The following DGLUCY variants were observed in gnomAD, a reference collection of about 807,000 sequenced individuals.
The protein encoded by DGLUCY is D-glutamate cyclase, mitochondrial.
DGLUCY carries 58 observed loss-of-function variants against 58.5 expected under a neutral mutation model. That is an observed-to-expected ratio of 0.99 (90% CI 0.80 to 1.23). DGLUCY has a LOEUF of 1.23. DGLUCY is among the 50% of genes most tolerant of loss of function. DGLUCY has a pLI of 0.00. For synonymous variants in DGLUCY, 325 were observed against 314.1 expected (o/e 1.03, Z -0.37); for missense variants, 779 against 784.7 (o/e 0.99, Z 0.09).
intron 13 of DGLUCY, among the ~76,000 whole-genome samples, chr14:91,217,714 C>A (rs543977056): frequency 6.6e-6 from 1 of 152,232 alleles, no homozygotes; most frequent in Non-Finnish European, 1.5e-5. Flanking sequence ...TCTTGAACTC[C>A]TGACCTCAGG....
chr14:91,089,807 T>G (rs1383167852), intron 1 of DGLUCY, among the ~76,000 whole-genome samples: 2 of 145,966 alleles, frequency 1.4e-5, no homozygotes, highest in Non-Finnish European at 3.0e-5. Flanking sequence ...GGTGACAGAG[T>G]GAGACTCTGT....
intron 1 of DGLUCY, among the ~76,000 whole-genome samples, chr14:91,146,495 C>T (rs1182097213): frequency 6.6e-6 from 1 of 152,120 alleles, no homozygotes; most frequent in East Asian, 1.9e-4. Flanking sequence ...CCACTTTTTC[C>T]CCTTTCCCGA....
intron 1 of DGLUCY, among the ~76,000 whole-genome samples, chr14:91,154,056 C>G (rs6575183): frequency 0.02 from 3,030 of 152,250 alleles, 96 homozygotes; most frequent in African/African-American, 0.068. Context: ...CGGGTGTGCA[C>G]CACTATGCCC....
intron 1 of DGLUCY, among the ~76,000 whole-genome samples, chr14:91,064,607 A>T (rs1312339650): frequency 6.9e-6 from 1 of 145,380 alleles, no homozygotes; most frequent in East Asian, 2.0e-4. Context: ...TGGGTGACAC[A>T]GTCAGACTCT....
At chr14:91,096,583 C>G (rs2103988) in intron 1 of DGLUCY, among the ~76,000 whole-genome samples, 1,551 of 152,270 alleles carry the variant, frequency 0.01, 93 homozygotes, top group Admixed American at 0.091. Flanking sequence ...TGCCTGGGGA[C>G]TGACCACAGC....
chr14:91,108,520 TGTGTGTGAGAGA>T lies in DGLUCY; in HGVS notation c.-82+461_-82+472del, dbSNP rs1485677456. Among the ~76,000 whole-genome samples, 127 of 83,722 alleles carry T rather than the reference TGTGTGTGAGAGA, an allele frequency of 1.5e-3. 1 individual carries two copies. The Middle Eastern group carries it at 0.032, about 21-fold the overall frequency. The allele number at this position is 83,722 out of a possible 152,430, so 54.9% of individuals were successfully genotyped here. On this transcript the variant is annotated intron_variant, in intron 1 of 4. Transcript: ENST00000518871. Reference sequence around the variant, plus strand: ...GTGTGTGTGTGTGTGTGTGTGTGTGTGTGTGTGAGAGAGAGAGAGAGAGAGAGAGAGAGAGAG... The same window carrying T: ...GTGTGTGTGTGTGTGTGTGTGTGTGTGAGAGAGAGAGAGAGAGAGAGAGAG...
chr14:91,112,340 G>A (rs1429057467), upstream of DGLUCY, among the ~76,000 whole-genome samples: 1 of 152,120 alleles, frequency 6.6e-6, no homozygotes, highest in East Asian at 1.9e-4. Context: ...ACTACCTTTT[G>A]ATTAATTCTA....
chr14:91,225,042 T>G lies in DGLUCY; in HGVS notation c.*209T>G, dbSNP rs1888016498. On this transcript the variant is annotated 3_prime_UTR_variant, in exon 14 of 14. Coordinates refer to ENST00000256324, the MANE Select transcript of DGLUCY (RefSeq NM_001102368.3). ...AAAGGACAACATTTCTCTGGGGCTT[T>G]TTAACTTTTATTCCTAAGACTCTAA... is the stretch of plus-strand genomic sequence containing the variant. 6.1e-6 allele frequency: 3 copies of G among 488,500 alleles called. No individual in the cohort carries two copies. Among genetic ancestry groups the G allele is most frequent in the Admixed American group, 8.1e-5 (2 of 24,594 alleles). The allele number at this position is 488,500 out of a possible 1,614,324, so 30.3% of individuals were successfully genotyped here.
intron 6 of DGLUCY, chr14:91,173,714 G>C (rs1028865655): frequency 5.8e-5 from 21 of 360,574 alleles, no homozygotes; most frequent in Non-Finnish European, 8.5e-5. Context: ...TCTGGCAGCT[G>C]TATCAGGGCT....
intron 1 of DGLUCY, among the ~76,000 whole-genome samples, chr14:91,155,444 C>T (rs531610266): frequency 6.6e-6 from 1 of 152,220 alleles, no homozygotes; most frequent in African/African-American, 2.4e-5. Context: ...TGGCATACAA[C>T]TTCTAAAATC....
chr14:91,208,389 A>G (rs1355708125), intron 12 of DGLUCY, among the ~76,000 whole-genome samples: 1 of 152,336 alleles, frequency 6.6e-6, no homozygotes, highest in Non-Finnish European at 1.5e-5. Flanking sequence ...CAAAATAATA[A>G]TAACAGTGCA....
rs143144589 is a variant in DGLUCY, at chr14:91,224,095, A to G, written c.1717-589A>G. ...CAGGATTTGACACATGCCCCACATT[A>G]GGCTAAGAGGTCTCAGGAGAAATGG... On this transcript the variant is annotated intron_variant, in intron 13 of 13. Coordinates refer to ENST00000256324, the MANE Select transcript of DGLUCY (RefSeq NM_001102368.3). Among the ~76,000 whole-genome samples the G allele has an allele frequency of 3.0e-3, 457 of 152,330 alleles. 3 individuals carry two copies. The South Asian group carries it at 0.035, about 12-fold the overall frequency.
At chr14:91,110,518 C>T (rs1211574712), upstream of DGLUCY, among the ~76,000 whole-genome samples, 5 of 151,250 alleles carry the variant, frequency 3.3e-5, no homozygotes, top group Non-Finnish European at 7.4e-5. Flanking sequence ...GCAACCTCCG[C>T]CTCCAGGGTT....
intron 8 of DGLUCY, among the ~76,000 whole-genome samples, chr14:91,186,950 T>C (rs60601827): frequency 0.067 from 10,238 of 152,082 alleles, 964 homozygotes; most frequent in African/African-American, 0.21. Flanking sequence ...GTTTCCTGGT[T>C]CTAAATCAGG....
chr14:91,169,004 T>G (rs2048427138), intron 4 of DGLUCY, among the ~76,000 whole-genome samples: 1 of 151,940 alleles, frequency 6.6e-6, no homozygotes, highest in African/African-American at 2.4e-5. Flanking sequence ...GGAGAATCAC[T>G]TGAACCTGGG....
At chr14:91,115,014 TTCTCTAGGATTATCTG>T (rs2044828650) in intron 1 of DGLUCY, 1 of 152,354 alleles carries the variant, frequency 6.6e-6, no homozygotes, top group African/African-American at 2.4e-5. Flanking sequence ...CGGGGGTCTC[TTCTCTAGGATTATCTG>T]TACTTCCCCT....
Position 91,133,166 on chromosome 14 carries a change from G to T in DGLUCY, c.-82+18883G>T, listed in dbSNP as rs571866380. 2.6e-5 allele frequency among the ~76,000 whole-genome samples: 4 copies of T among 152,074 alleles called. No homozygotes were observed. In the East Asian group the frequency reaches 5.9e-4, roughly 22 times the overall value. On this transcript the variant is annotated intron_variant, in intron 1 of 13. Transcript: ENST00000256324. ...AAAAATTAGCCGGGCGTGGTAGCAG[G>T]CGTCTGTAATCTCAGCTACTTGGGG...
At chr14:91,198,107 A>G (rs1205318839) in intron 10 of DGLUCY, among the ~76,000 whole-genome samples, 1 of 152,210 alleles carries the variant, frequency 6.6e-6, no homozygotes. Flanking sequence ...CAGTGGCACA[A>G]TCTTGGCTCA....
chr14:91,083,522 CAAAAAAA>C (rs761458676), intron 1 of DGLUCY, among the ~76,000 whole-genome samples: 5 of 52,188 alleles, frequency 9.6e-5, no homozygotes, highest in Non-Finnish European at 1.6e-4. Context: ...GATTCCGTCT[CAAAAAAA>C]AAAAAAAAAA....
Sources: gnomAD v4.1 joint callset for allele counts (sites outside exome capture counted in the v4.1 genomes callset) on GRCh38, gnomAD v4.1.1 for gene constraint, MANE v1.5 for transcripts, NCBI Gene and HGNC (gene_info 2026-07-23, HGNC 2026-07-21) for gene names.